MCTP2: variants seen among roughly 807,000 people sequenced by gnomAD.
The protein encoded by MCTP2 is multiple C2 and transmembrane domain containing 2.
Under a neutral mutation model 111.6 loss-of-function variants are expected in MCTP2, and 132 were observed. That is an observed-to-expected ratio of 1.18 (90% CI 1.03 to 1.37). MCTP2 has a LOEUF of 1.37. Among genes scored for constraint, MCTP2 ranks in the 40% most tolerant of loss-of-function variants. MCTP2 has a pLI of 0.00. For synonymous variants in MCTP2, 395 were observed against 387.7 expected (o/e 1.02, Z -0.22); for missense variants, 1,183 against 1,067.9 (o/e 1.11, Z -1.50).
At chr15:94,454,838 T>C in intron 19 of MCTP2, among the ~76,000 whole-genome samples, 1 of 152,122 alleles carries the variant, frequency 6.6e-6, no homozygotes, top group East Asian at 1.9e-4. Flanking sequence ...TTTATTATTA[T>C]TAGGTGGAGT....
At chr15:94,420,240 C>G (rs1035673755) in intron 17 of MCTP2, among the ~76,000 whole-genome samples, 1 of 152,118 alleles carries the variant, frequency 6.6e-6, no homozygotes, top group Non-Finnish European at 1.5e-5. Flanking sequence ...TATCACTGCT[C>G]ATCGAACATG....
intron 1 of MCTP2, among the ~76,000 whole-genome samples, chr15:94,257,777 G>A (rs777348163): frequency 1.3e-5 from 2 of 151,094 alleles, no homozygotes; most frequent in Non-Finnish European, 2.9e-5. Context: ...AGTAGAGACG[G>A]GGTTTTACCA....
At chr15:94,280,184 G>A (rs1224091643) in intron 1 of MCTP2, among the ~76,000 whole-genome samples, 5 of 152,056 alleles carry the variant, frequency 3.3e-5, no homozygotes, top group African/African-American at 4.8e-5. Flanking sequence ...CCTTCCTTAT[G>A]CATCTGGTAG....
At position 94,464,239 on chromosome 15, in the gene MCTP2, AATAT is replaced by A. The variant is rs1555481312; in HGVS notation, c.2360+6008_2360+6011del. Among the ~76,000 whole-genome samples, 9 of 89,340 alleles carry A rather than the reference AATAT, an allele frequency of 1.0e-4. 2 individuals carry two copies. The highest frequency in any genetic ancestry group is 6.4e-4 in the South Asian group (2 of 3,122). 58.6% of individuals were successfully genotyped at this position (89,340 alleles called of 152,430 possible). ...TGAAATATTATATGTTTATATATATAATATATATATATATATATTATATATATAT... is the reference window on the plus strand; with the variant it reads ...TGAAATATTATATGTTTATATATATAATATATATATATATTATATATATAT... On this transcript the variant is annotated intron_variant, in intron 20 of 22. Coordinates refer to ENST00000357742, the MANE Select transcript of MCTP2 (RefSeq NM_001385001.1).
chr15:94,386,485 A>G (rs894184275), intron 14 of MCTP2, among the ~76,000 whole-genome samples: 5 of 152,118 alleles, frequency 3.3e-5, no homozygotes, highest in African/African-American at 1.2e-4. Flanking sequence ...GTGCACTTGG[A>G]TAATTTCTCC....
intron 4 of MCTP2, among the ~76,000 whole-genome samples, chr15:94,329,317 C>T (rs1346893230): frequency 6.6e-6 from 1 of 152,144 alleles, no homozygotes; most frequent in African/African-American, 2.4e-5. Context: ...ATTTAAGGCA[C>T]AACATGATGT....
intron 4 of MCTP2, among the ~76,000 whole-genome samples, chr15:94,317,748 G>T (rs1412971034): frequency 6.6e-6 from 1 of 152,038 alleles, no homozygotes; most frequent in African/African-American, 2.4e-5. Context: ...ATCTCATGTG[G>T]CTTTCATCTT....
At chr15:94,379,280 G>A (rs932410043) in intron 12 of MCTP2, among the ~76,000 whole-genome samples, 4 of 151,878 alleles carry the variant, frequency 2.6e-5, no homozygotes, top group African/African-American at 9.7e-5. Context: ...GATAAGGATG[G>A]GTTATGTGGG....
At chr15:94,311,201 T>G (rs1050567617) in intron 2 of MCTP2, among the ~76,000 whole-genome samples, 1 of 151,650 alleles carries the variant, frequency 6.6e-6, no homozygotes, top group East Asian at 1.9e-4. Context: ...ATTTTTGTAT[T>G]TTTATTAGAG....
At chr15:94,273,944 G>T in intron 1 of MCTP2, 2 of 235,390 alleles carry the variant, frequency 8.5e-6, no homozygotes, top group South Asian at 7.9e-5. Context: ...GCCAAGTCTT[G>T]ACAAGTTGGA....
intron 20 of MCTP2, among the ~76,000 whole-genome samples, chr15:94,469,912 G>T (rs763852895): frequency 6.6e-6 from 1 of 152,044 alleles, no homozygotes; most frequent in Non-Finnish European, 1.5e-5. Flanking sequence ...CCCTTTTCTG[G>T]TAAAGGAAAG....
At chr15:94,383,313 T>C (rs1450666717) in intron 12 of MCTP2, among the ~76,000 whole-genome samples, 1 of 152,182 alleles carries the variant, frequency 6.6e-6, no homozygotes, top group African/African-American at 2.4e-5. Flanking sequence ...GCAGATTGAC[T>C]TAGAATTTAG....
At chr15:94,299,497 AAAAAGTTAAC>A (rs2075496841) in intron 2 of MCTP2, among the ~76,000 whole-genome samples, 2 of 152,346 alleles carry the variant, frequency 1.3e-5, no homozygotes, top group Admixed American at 1.3e-4. Context: ...GCATTCTTTT[AAAAAGTTAAC>A]AAAACTTTAG....
chr15:94,297,550 TTTG>T (rs2075331378), intron 1 of MCTP2, among the ~76,000 whole-genome samples: 1 of 152,166 alleles, frequency 6.6e-6, no homozygotes, highest in African/African-American at 2.4e-5. Context: ...GGGCCATGTT[TTTG>T]TTCTTGAAAA....
chr15:94,320,965 T>C (rs74028541), intron 4 of MCTP2, among the ~76,000 whole-genome samples: 6,345 of 152,234 alleles, frequency 0.042, 479 homozygotes, highest in African/African-American at 0.14. Context: ...AAAATGGGTG[T>C]GATGTACCTT....
chr15:94,245,700 ATATG>A (rs1361638727), intron 1 of MCTP2, among the ~76,000 whole-genome samples: 2 of 142,890 alleles, frequency 1.4e-5, no homozygotes, highest in South Asian at 2.2e-4. Flanking sequence ...ATATATAAAT[ATATG>A]TGTGTGTGTG....
chr15:94,298,611 G>C lies in MCTP2; in HGVS notation c.346G>C (p.Val116Leu), dbSNP rs745472373. The C allele has an allele frequency of 1.2e-6, 2 of 1,614,132 alleles. No homozygotes were observed. The highest frequency in any genetic ancestry group is 2.2e-5 in the South Asian group (2 of 91,082). ...SQEEASHLHVVETDSEEAYAS... is the reference protein window; with the variant it reads ...SQEEASHLHVLETDSEEAYAS... ...GGAAGAAGCCAGTCACCTCCATGTG[G>C]TGGAAACAGACTCAGAGGAGGCCTA... The change falls in exon 2 of 23, where the codon GTG becomes CTG. Residue 116 changes from valine to leucine, a missense_variant. Transcript: ENST00000357742.
At chr15:94,440,712 A>G (rs1181769961) in intron 18 of MCTP2, among the ~76,000 whole-genome samples, 21 of 152,148 alleles carry the variant, frequency 1.4e-4, no homozygotes, top group Admixed American at 1.3e-3. Flanking sequence ...ACCTTATGCA[A>G]TGTTCTCTCT....
At chr15:94,468,488 A>AAAAGGTTAGAAATCATAG (rs2073608855) in intron 20 of MCTP2, among the ~76,000 whole-genome samples, 1 of 152,158 alleles carries the variant, frequency 6.6e-6, no homozygotes, top group Admixed American at 6.5e-5. Flanking sequence ...AGGCCAAAAA[A>AAAAGGTTAGAAATCATAG]AAAGGTTAGA....
Sources: allele counts gnomAD v4.1 joint callset (sites outside exome capture counted in the v4.1 genomes callset), GRCh38; gene constraint gnomAD v4.1.1; transcripts MANE v1.5; gene names NCBI Gene and HGNC (gene_info 2026-07-23, HGNC 2026-07-21).